The following OSBPL1A variants were observed in gnomAD, a reference collection of about 807,000 sequenced individuals.
OSBPL1A encodes oxysterol binding protein like 1A, also known as oxysterol-binding protein-related protein 1.
In OSBPL1A, 80 loss-of-function variants were observed where a neutral mutation model predicts 137.1. That is an observed-to-expected ratio of 0.58 (90% CI 0.49 to 0.70). The LOEUF (loss-of-function observed/expected upper bound fraction) is 0.70, where lower values mean the gene tolerates loss of function less well. OSBPL1A is among the 30% of genes least tolerant of loss of function. The probability of loss-of-function intolerance (pLI) is 0.00; values close to 1 mark genes in which losing one functional copy is unlikely to be tolerated. For synonymous variants in OSBPL1A, 365 were observed against 389.7 expected (o/e 0.94, Z 0.75); for missense variants, 970 against 1,129.4 (o/e 0.86, Z 2.02).
intron 14 of OSBPL1A, among the ~76,000 whole-genome samples, chr18:24,282,356 C>A (rs1459218118): frequency 6.6e-6 from 1 of 152,120 alleles, no homozygotes; most frequent in Non-Finnish European, 1.5e-5. Flanking sequence ...GCTAACATAT[C>A]TGAAAACAGC....
At chr18:24,196,509 G>A (rs918951572) in intron 17 of OSBPL1A, among the ~76,000 whole-genome samples, 1 of 152,132 alleles carries the variant, frequency 6.6e-6, no homozygotes, top group African/African-American at 2.4e-5. Context: ...ATGCTTTCAC[G>A]TTATGGCACA....
At chr18:24,278,293 T>A (rs1443901556) in intron 15 of OSBPL1A, among the ~76,000 whole-genome samples, 1 of 152,206 alleles carries the variant, frequency 6.6e-6, no homozygotes, top group African/African-American at 2.4e-5. Context: ...TAGACAATGC[T>A]ACTTCCTCCC....
intron 16 of OSBPL1A, among the ~76,000 whole-genome samples, chr18:24,227,990 T>C (rs1397305031): frequency 2.0e-5 from 3 of 152,184 alleles, no homozygotes; most frequent in African/African-American, 7.2e-5. Context: ...AAAGAATTTT[T>C]TTTAGCAAAA....
At chr18:24,258,727 T>C (rs2089356316) in intron 15 of OSBPL1A, among the ~76,000 whole-genome samples, 1 of 152,132 alleles carries the variant, frequency 6.6e-6, no homozygotes, top group Admixed American at 6.5e-5. Context: ...GTATCCCTTA[T>C]ATCTATGTGC....
intron 13 of OSBPL1A, chr18:24,311,440 T>G: frequency 1.0e-6 from 1 of 984,986 alleles, no homozygotes; most frequent in Non-Finnish European, 1.2e-6. Context: ...AAACACCTAT[T>G]TCATTTCAAT....
At chr18:24,375,921 A>T (rs933685922) in intron 2 of OSBPL1A, among the ~76,000 whole-genome samples, 7 of 152,018 alleles carry the variant, frequency 4.6e-5, no homozygotes, top group Non-Finnish European at 8.8e-5. Context: ...TGAGTGTTAC[A>T]GCTCTTAAGG....
intron 17 of OSBPL1A, among the ~76,000 whole-genome samples, chr18:24,199,797 G>C (rs2087161017): frequency 1.3e-5 from 2 of 152,140 alleles, no homozygotes; most frequent in South Asian, 4.2e-4. Context: ...AAGGGTTTCA[G>C]ACAGAGGCTG....
In OSBPL1A at chr18:24,368,337, G is replaced by C; in HGVS notation, c.157C>G (p.His53Asp). The C allele has an allele frequency of 6.2e-7, 1 of 1,613,760 alleles. No individual in the cohort carries two copies. The highest frequency in any genetic ancestry group is 8.5e-7 in the Non-Finnish European group (1 of 1,179,706). Residue 53 changes from histidine (H) to aspartate (D), a missense_variant, in exon 3 of 28, where the codon CAT becomes GAT. Coordinates refer to ENST00000319481, the MANE Select transcript of OSBPL1A (RefSeq NM_080597.4). The part of the protein sequence containing the change: ...SKSNLGWTPL[H>D]LACYFGHRQV... The stretch of plus-strand genomic sequence containing the variant: ...CTGTGTCCAAAATAGCATGCCAGAT[G>C]TAGAGGTGTCCAGCCCAAGTTAGAC...
At chr18:24,384,855 CAA>C (rs1906838901) in intron 1 of OSBPL1A, among the ~76,000 whole-genome samples, 1 of 134,190 alleles carries the variant, frequency 7.5e-6, no homozygotes, top group South Asian at 2.3e-4. Context: ...GCCTCGGCGA[CAA>C]GAGTGAAACT....
At chr18:24,293,924 C>G (rs1035558134) in intron 14 of OSBPL1A, among the ~76,000 whole-genome samples, 4 of 152,114 alleles carry the variant, frequency 2.6e-5, no homozygotes, top group African/African-American at 9.7e-5. Flanking sequence ...TTCAGATGTC[C>G]ACGTGGGAGG....
rs557097454 is a variant in OSBPL1A, at chr18:24,198,481, T to C, written c.1602-2281A>G. Among the ~76,000 whole-genome samples the C allele has an allele frequency of 3.9e-5, 6 of 152,292 alleles. No homozygotes were observed. In the East Asian group the frequency reaches 1.2e-3, roughly 29 times the overall value. On this transcript the variant is annotated intron_variant, in intron 17 of 27. Coordinates refer to ENST00000319481, the MANE Select transcript of OSBPL1A (RefSeq NM_080597.4). ...CAGATTATCTGCAACATTCATTACC[T>C]ATTCAGAACATAACCAGAAAGCAGA...
At chr18:24,196,719 T>C (rs934654030) in intron 17 of OSBPL1A, among the ~76,000 whole-genome samples, 6 of 152,032 alleles carry the variant, frequency 3.9e-5, no homozygotes, top group Non-Finnish European at 7.4e-5. Flanking sequence ...TAAAAATAAA[T>C]AAAAAGTAAA....
chr18:24,389,878 T>C (rs551297988), intron 1 of OSBPL1A, among the ~76,000 whole-genome samples: 3 of 151,876 alleles, frequency 2.0e-5, no homozygotes, highest in African/African-American at 7.2e-5. Context: ...GGAGGCAGAG[T>C]TGGCAGTGAC....
intron 4 of OSBPL1A, among the ~76,000 whole-genome samples, chr18:24,358,952 C>T (rs1433067863): frequency 6.6e-6 from 1 of 152,110 alleles, no homozygotes; most frequent in Non-Finnish European, 1.5e-5. Flanking sequence ...CACGGTGGCT[C>T]ATGCCTATAA....
At chr18:24,168,217 C>T (rs963973290) in intron 24 of OSBPL1A, among the ~76,000 whole-genome samples, 1 of 152,206 alleles carries the variant, frequency 6.6e-6, no homozygotes, top group African/African-American at 2.4e-5. Flanking sequence ...CCTCCTGCCT[C>T]AGCCTCCCAA....
chr18:24,368,235 C>T, intron 3 of OSBPL1A, 52 bp downstream of exon 3: 2 of 1,392,462 alleles, frequency 1.4e-6, no homozygotes, highest in Non-Finnish European at 2.0e-6. Context: ...CTTAAAATTT[C>T]CATAACAATA....
chr18:24,165,096 TG>T lies in OSBPL1A; in HGVS notation c.2718del (p.Asn906LysfsTer59). 6.2e-7 allele frequency: 1 copy of T among 1,614,234 alleles called. No homozygotes were observed. Among genetic ancestry groups the T allele is most frequent in the Non-Finnish European group, 8.5e-7 (1 of 1,180,038 alleles). ...LEEKQRAARK[N>X]RSKSEEDWKT... ...TTCCAGTCCTCTTCTGACTTGGACC[TG>T]TTTTTGCGGGCTGCTCTTTGTTTTT... On this transcript the variant is annotated frameshift_variant, in exon 27 of 28. Coordinates refer to ENST00000319481, the MANE Select transcript of OSBPL1A (RefSeq NM_080597.4). LOFTEE classifies it high-confidence loss of function.
chr18:24,375,203 T>A (rs1018131865), intron 2 of OSBPL1A, among the ~76,000 whole-genome samples: 1 of 149,710 alleles, frequency 6.7e-6, no homozygotes, highest in East Asian at 2.0e-4. Flanking sequence ...TAGTCCCAAC[T>A]ACTCTGGAGG....
intron 17 of OSBPL1A, among the ~76,000 whole-genome samples, chr18:24,202,040 C>T (rs181481616): frequency 1.1e-4 from 17 of 152,334 alleles, no homozygotes; most frequent in Admixed American, 3.3e-4. Flanking sequence ...TTTCATGAGA[C>T]ACACATGAGC....
Sources: gnomAD v4.1 joint callset for allele counts (sites outside exome capture counted in the v4.1 genomes callset) on GRCh38, gnomAD v4.1.1 for gene constraint, MANE v1.5 for transcripts, NCBI Gene and HGNC (gene_info 2026-07-23, HGNC 2026-07-21) for gene names.